Variants in LINGO2 observed in about 807,000 individuals in gnomAD.
LINGO2 encodes the protein leucine rich repeat and Ig domain containing 2.
In LINGO2, 14 loss-of-function variants were observed where a neutral mutation model predicts 30.6. The observed-to-expected ratio is 0.46, with a 90% CI of 0.30 to 0.72. LINGO2 has a LOEUF of 0.72. Among genes scored for constraint, LINGO2 ranks in the 30% least tolerant of loss-of-function variants. LINGO2 has a pLI of 0.07. For synonymous variants in LINGO2, 317 were observed against 288.5 expected (o/e 1.10, Z -1.00); for missense variants, 729 against 751.7 (o/e 0.97, Z 0.35).
At chr9:28,066,306 C>T (rs779100916) in intron 4 of LINGO2, among the ~76,000 whole-genome samples, 2 of 152,068 alleles carry the variant, frequency 1.3e-5, no homozygotes, top group African/African-American at 2.4e-5. Flanking sequence ...CAGTGGTTGG[C>T]TTATCTTTCG....
intron 4 of LINGO2, among the ~76,000 whole-genome samples, chr9:28,257,094 GT>G (rs140718171): frequency 0.098 from 14,465 of 147,610 alleles, 750 homozygotes; most frequent in East Asian, 0.15. Context: ...GTTACTTTTA[GT>G]TTTTTTTTTC....
the LINGO2 span, among the ~76,000 whole-genome samples, chr9:29,057,312 G>A: frequency 6.6e-6 from 1 of 151,990 alleles, no homozygotes; most frequent in Non-Finnish European, 1.5e-5. Context: ...AAAAATAAGT[G>A]GATGACTTAA....
chr9:28,489,354 G>C (rs2135259230), intron 1 of LINGO2, among the ~76,000 whole-genome samples: 1 of 152,206 alleles, frequency 6.6e-6, no homozygotes, highest in South Asian at 2.1e-4. Flanking sequence ...ATTTTTAGTA[G>C]ATACAGGGTT....
chr9:28,364,400 C>T (rs1170445428), intron 3 of LINGO2, among the ~76,000 whole-genome samples: 1 of 151,738 alleles, frequency 6.6e-6, no homozygotes, highest in Non-Finnish European at 1.5e-5. Context: ...ATGAACACCA[C>T]AGTCAAAATG....
At chr9:28,518,642 A>G (rs964865510) in intron 1 of LINGO2, among the ~76,000 whole-genome samples, 1 of 152,222 alleles carries the variant, frequency 6.6e-6, no homozygotes, top group Non-Finnish European at 1.5e-5. Context: ...CCTTATTAAC[A>G]TAACTCATCT....
At chr9:28,347,244 T>C (rs781013368) in intron 3 of LINGO2, among the ~76,000 whole-genome samples, 18 of 152,212 alleles carry the variant, frequency 1.2e-4, no homozygotes, top group Non-Finnish European at 2.6e-4. Flanking sequence ...AAACCTATTA[T>C]AGCCTTTATT....
chr9:28,767,519 C>T, the LINGO2 span, among the ~76,000 whole-genome samples: 2 of 152,020 alleles, frequency 1.3e-5, no homozygotes, highest in African/African-American at 4.8e-5. Context: ...GGCACGGTGG[C>T]TCAGGCCTGT....
intron 2 of LINGO2, among the ~76,000 whole-genome samples, chr9:28,448,420 C>G (rs946710853): frequency 6.6e-6 from 1 of 152,072 alleles, no homozygotes; most frequent in Non-Finnish European, 1.5e-5. Flanking sequence ...AATTTCAAGG[C>G]TCATATTTTG....
chr9:28,189,743 A>T (rs1819747669), intron 4 of LINGO2, among the ~76,000 whole-genome samples: 1 of 150,450 alleles, frequency 6.6e-6, no homozygotes, highest in Non-Finnish European at 1.5e-5. Flanking sequence ...AAAGATGATG[A>T]AAAGTTCACT....
intron 4 of LINGO2, among the ~76,000 whole-genome samples, chr9:28,068,628 T>C (rs1825383402): frequency 6.6e-6 from 1 of 152,152 alleles, no homozygotes; most frequent in Admixed American, 6.5e-5. Context: ...GTGAACAAAG[T>C]AGTTTTTCTT....
intron 4 of LINGO2, among the ~76,000 whole-genome samples, chr9:28,021,114 G>A (rs1438258971): frequency 1.3e-5 from 2 of 151,228 alleles, no homozygotes; most frequent in East Asian, 1.9e-4. Flanking sequence ...ATTTCCTATG[G>A]TGGAAGCTTA....
the LINGO2 span, among the ~76,000 whole-genome samples, chr9:28,787,230 G>A: frequency 2.0e-5 from 3 of 152,034 alleles, no homozygotes; most frequent in African/African-American, 7.2e-5. Context: ...GAAAATTCCG[G>A]AGCTTAACAA....
chr9:28,075,422 G>T (rs1277683945), intron 4 of LINGO2, among the ~76,000 whole-genome samples: 1 of 151,694 alleles, frequency 6.6e-6, no homozygotes, highest in Non-Finnish European at 1.5e-5. Flanking sequence ...TTATTCTGTT[G>T]TATATGTGAA....
the LINGO2 span, among the ~76,000 whole-genome samples, chr9:29,005,496 A>G: frequency 6.6e-6 from 1 of 152,046 alleles, no homozygotes; most frequent in Admixed American, 6.6e-5. Context: ...ACCTGTGCAC[A>G]TCCTCCAGCA....
chr9:28,772,206 T>C, the LINGO2 span, among the ~76,000 whole-genome samples: 1 of 152,224 alleles, frequency 6.6e-6, no homozygotes, highest in African/African-American at 2.4e-5. Flanking sequence ...TCTTGCAAGA[T>C]TGATTATTAT....
the LINGO2 span, among the ~76,000 whole-genome samples, chr9:28,775,076 ATT>A: frequency 6.6e-6 from 1 of 152,114 alleles, no homozygotes; most frequent in African/African-American, 2.4e-5. Context: ...GTGTGCGGAT[ATT>A]GCTGGTGATG....
intron 4 of LINGO2, among the ~76,000 whole-genome samples, chr9:28,197,477 A>G (rs1820056037): frequency 6.6e-6 from 1 of 151,994 alleles, no homozygotes; most frequent in South Asian, 2.1e-4. Flanking sequence ...GGGAAGGCAT[A>G]AATTGCTTAA....
chr9:29,158,202 A>C, the LINGO2 span, among the ~76,000 whole-genome samples: 3 of 151,212 alleles, frequency 2.0e-5, no homozygotes, highest in East Asian at 2.0e-4. Context: ...AACAAAAAAA[A>C]AACAAATGGA....
chr9:28,288,310 G>C (rs1758726525), intron 4 of LINGO2, among the ~76,000 whole-genome samples: 1 of 152,054 alleles, frequency 6.6e-6, no homozygotes, highest in African/African-American at 2.4e-5. Flanking sequence ...GACTTTGTCA[G>C]ACTGTACTCT....
Sources: allele counts gnomAD v4.1 joint callset (sites outside exome capture counted in the v4.1 genomes callset), GRCh38; gene constraint gnomAD v4.1.1; transcripts MANE v1.5; gene names NCBI Gene and HGNC (gene_info 2026-07-23, HGNC 2026-07-21).